Variants in NOTCH2 observed in about 807,000 individuals in gnomAD.
The protein encoded by NOTCH2 is neurogenic locus notch homolog protein 2.
In NOTCH2, 29 loss-of-function variants were observed where a neutral mutation model predicts 235.8. That is an observed-to-expected ratio of 0.12 (90% CI 0.09 to 0.17). The LOEUF (loss-of-function observed/expected upper bound fraction) is 0.17, where lower values mean the gene tolerates loss of function less well. Ranked by LOEUF, NOTCH2 falls within the 10% of genes least tolerant of loss-of-function variation. The pLI is 1.00. For synonymous variants in NOTCH2, 1,086 were observed against 1,141.5 expected, an observed-to-expected ratio of 0.95 and a Z score of 0.98; for missense variants, 2,285 against 3,150.2, an observed-to-expected ratio of 0.73 and a Z score of 6.57.
In NOTCH2 at chr1:119,948,505, G is replaced by A. The variant is rs1456900277; in HGVS notation, c.2661C>T (p.Leu887=). 9.9e-6 allele frequency: 16 copies of A among 1,614,196 alleles called. No homozygotes were observed. The highest frequency in any genetic ancestry group is 1.4e-5 in the Non-Finnish European group (16 of 1,180,020). The change falls in exon 17 of 34, where the codon CTC becomes CTT. Residue 887 remains leucine (L), a synonymous_variant. Transcript: ENST00000256646. ...CISKPCMNHG[L]CHNTQGSYMC... ...TGTAGCTGCCCTGGGTGTTATGGCA[G>A]AGACCATGGTTCATGCAGGGCTTGG...
intron 9 of NOTCH2, 52 bp from the exon 10 acceptor site, chr1:119,965,618 T>G (rs782697325): frequency 1.6e-6 from 2 of 1,231,086 alleles, no homozygotes; most frequent in South Asian, 1.2e-5. Context: ...TGTGTCTCCC[T>G]TTACCATGAG....
At chr1:119,973,964 A>G (rs1651466029) in intron 5 of NOTCH2, among the ~76,000 whole-genome samples, 1 of 151,330 alleles carries the variant, frequency 6.6e-6, no homozygotes, top group South Asian at 2.1e-4. Flanking sequence ...ACTTGATACA[A>G]CAAGTAAAGG....
rs374585935 is a variant in NOTCH2, at chr1:119,997,319, T to C, written c.429A>G (p.Gln143=). The C allele has an allele frequency of 1.1e-4, 180 of 1,613,992 alleles. 1 individual carries two copies. In the South Asian group the frequency reaches 1.8e-3, roughly 16 times the overall value. ...GATGAGACAGGCAGGCATCCGTCCA[T>C]TGGCACTCCTTACCTAAAGGAAGGA... ...CQVGFTGKEC[Q]WTDACLSHPC... is the part of the protein sequence containing the mutation. The change falls in exon 4 of 34, where the codon CAA becomes CAG. Residue 143 remains glutamine, a synonymous_variant. Coordinates refer to ENST00000256646, the MANE Select transcript of NOTCH2 (RefSeq NM_024408.4).
chr1:119,984,931 A>G (rs587629203), intron 5 of NOTCH2, among the ~76,000 whole-genome samples: 18 of 152,308 alleles, frequency 1.2e-4, no homozygotes, highest in Admixed American at 9.2e-4. Flanking sequence ...TGAGTCAGGC[A>G]TGCCAAAAAT....
rs1553217927 is a variant in NOTCH2, at chr1:120,069,373, G to A, written c.34C>T (p.Leu12=). The A allele has an allele frequency of 6.4e-7, 1 of 1,569,302 alleles. No homozygotes were observed. Among genetic ancestry groups the A allele is most frequent in the East Asian group, 2.3e-5 (1 of 43,060 alleles). The change falls in exon 1 of 34, where the codon CTG becomes TTG. Residue 12 remains leucine (L), a synonymous_variant. Coordinates refer to ENST00000256646, the MANE Select transcript of NOTCH2 (RefSeq NM_024408.4). ...PALRPALLWA[L]LALWLCCAAP... is the part of the protein sequence containing the mutation. The stretch of plus-strand genomic sequence containing the variant: ...GCGCAGCACAGCCAGAGCGCCAGCA[G>A]CGCCCACAGCAGAGCGGGGCGCAGG...
At chr1:119,951,457 C>T (rs183637944) in intron 14 of NOTCH2, among the ~76,000 whole-genome samples, 1 of 152,276 alleles carries the variant, frequency 6.6e-6, no homozygotes, top group African/African-American at 2.4e-5. Context: ...CAGCCAATAG[C>T]TTGTTGCATG....
chr1:119,923,853 A>G lies in NOTCH2; in HGVS notation c.4643T>C (p.Val1548Ala). ...TTCAGGTGGCATCAATACCACAATAACCAGGGTACCTTCTGCCAGGTTCTC... is the reference window on the plus strand; with the variant it reads ...TTCAGGTGGCATCAATACCACAATAGCCAGGGTACCTTCTGCCAGGTTCTC... ...QPENLAEGTL[V>A]IVVLMPPEQL... The change falls in exon 26 of 34, where the codon GTT becomes GCT. Residue 1548 changes from valine to alanine, a missense_variant. Around this residue, in one of 6 missense-constraint regions of NOTCH2, gnomAD observed 1,173 missense variants for 1,515.3 expected, o/e 0.77. Transcript: ENST00000256646. 1 of 1,614,062 alleles carries G rather than the reference A, an allele frequency of 6.2e-7. No individual in the cohort carries two copies. Among genetic ancestry groups the G allele is most frequent in the South Asian group, 1.1e-5 (1 of 91,076 alleles).
chr1:120,029,376 A>G (rs1437073063), intron 2 of NOTCH2, among the ~76,000 whole-genome samples: 9 of 152,018 alleles, frequency 5.9e-5, no homozygotes, highest in African/African-American at 2.2e-4. Context: ...TTTGAGATGG[A>G]GTCTTGCTCT....
chr1:120,048,689 C>T (rs1654898764), intron 1 of NOTCH2, among the ~76,000 whole-genome samples: 1 of 140,748 alleles, frequency 7.1e-6, no homozygotes, highest in Non-Finnish European at 1.5e-5. Flanking sequence ...GTCAAGCGAT[C>T]CTCCTGCCTC....
At chr1:119,968,379 C>T in intron 6 of NOTCH2, 147 bp from the exon 7 acceptor site, 1 of 920,744 alleles carries the variant, frequency 1.1e-6, no homozygotes, top group Admixed American at 2.0e-5. Flanking sequence ...CTTTGCCTGA[C>T]CCTACCTTGG....
In NOTCH2 at chr1:119,926,525, C is replaced by G; in HGVS notation, c.3979G>C (p.Asp1327His). The change falls in exon 24 of 34, where the codon GAT becomes CAT. Residue 1327 changes from aspartate to histidine, a missense_variant. Transcript: ENST00000256646. Reference protein sequence around the residue: ...GTCAVASNMPDGFICRCPPGF... With the variant: ...GTCAVASNMPHGFICRCPPGF... ...GGGGGACAACGGCAAATGAAACCAT[C>G]AGGCATGTTACTGGCCACAGCACAA... 1 of 1,605,548 alleles carries G rather than the reference C, an allele frequency of 6.2e-7. No homozygotes were observed.
intron 5 of NOTCH2, among the ~76,000 whole-genome samples, chr1:119,975,183 G>A (rs1162271498): frequency 2.6e-5 from 4 of 152,194 alleles, no homozygotes; most frequent in Non-Finnish European, 5.9e-5. Context: ...GTTGAGGGAT[G>A]TAGGGAAAGA....
At chr1:119,969,885 G>A (rs1651292802) in intron 5 of NOTCH2, 141 bp from the exon 6 acceptor site, 11 of 757,646 alleles carry the variant, frequency 1.5e-5, no homozygotes, top group Non-Finnish European at 2.3e-5. Flanking sequence ...GTCTTCACAT[G>A]AATTTTAAGG....
intron 21 of NOTCH2, among the ~76,000 whole-genome samples, chr1:119,936,399 T>A (rs1404496969): frequency 6.6e-6 from 1 of 152,176 alleles, no homozygotes; most frequent in African/African-American, 2.4e-5. Flanking sequence ...CCAGGGTATA[T>A]CTTGTCCTAC....
chr1:120,045,513 T>C, intron 1 of NOTCH2, among the ~76,000 whole-genome samples: 1 of 144,560 alleles, frequency 6.9e-6, no homozygotes, highest in South Asian at 2.2e-4. Flanking sequence ...GCCCTAACTC[T>C]AGCTTATGAA....
chr1:119,964,757 A>C (rs1261258006), intron 10 of NOTCH2, among the ~76,000 whole-genome samples: 1 of 152,228 alleles, frequency 6.6e-6, no homozygotes, highest in Non-Finnish European at 1.5e-5. Flanking sequence ...ATAATAAAGA[A>C]GTTCACTTCT....
At chr1:119,968,006 T>C (rs1651211267) in intron 7 of NOTCH2, 71 bp downstream of exon 7, 2 of 1,570,362 alleles carry the variant, frequency 1.3e-6, no homozygotes, top group Non-Finnish European at 1.8e-6. Context: ...TACAGTAAAA[T>C]GTGCTTCAGT....
At chr1:119,963,936 C>T (rs587747250) in intron 10 of NOTCH2, 129 bp from the exon 11 acceptor site, 16 of 794,082 alleles carry the variant, frequency 2.0e-5, no homozygotes, top group South Asian at 1.4e-4. Context: ...AGGTCTTGAG[C>T]AGTAGAAAAC....
chr1:120,058,241 C>T (rs111897026), intron 1 of NOTCH2, among the ~76,000 whole-genome samples: 2,687 of 152,208 alleles, frequency 0.018, 63 homozygotes, highest in African/African-American at 0.061. Context: ...CGGTGGCTCA[C>T]GCCTGTAATC....
Sources: gnomAD v4.1 joint callset for allele counts (sites outside exome capture counted in the v4.1 genomes callset) on GRCh38, gnomAD v4.1.1 for gene constraint, gnomAD v4.1.1 regional missense constraint, MANE v1.5 for transcripts, NCBI Gene and HGNC (gene_info 2026-07-23, HGNC 2026-07-21) for gene names.